The following RNF150 variants were observed in gnomAD, a reference collection of about 807,000 sequenced individuals.
RNF150 encodes the protein ring finger protein 150.
In RNF150, 24 loss-of-function variants were observed where a neutral mutation model predicts 39.3. The ratio of observed to expected loss-of-function variants is 0.61; its 90% CI spans 0.44 to 0.86. RNF150 has a LOEUF of 0.86. Ranked by LOEUF, RNF150 falls within the 40% of genes least tolerant of loss-of-function variation. The pLI is 0.00. For missense variants in RNF150, 502 were observed against 587.8 expected, an observed-to-expected ratio of 0.85 and a Z score of 1.51; for synonymous variants, 255 against 227.3, an observed-to-expected ratio of 1.12 and a Z score of -1.10.
At chr4:141,199,736 T>C (rs904188115) in intron 1 of RNF150, among the ~76,000 whole-genome samples, 3 of 152,172 alleles carry the variant, frequency 2.0e-5, no homozygotes, top group Non-Finnish European at 2.9e-5. Flanking sequence ...CTGTTCTGTA[T>C]TACAATTATA....
chr4:141,088,826 C>T (rs962825832), intron 1 of RNF150, among the ~76,000 whole-genome samples: 4 of 152,220 alleles, frequency 2.6e-5, no homozygotes, highest in African/African-American at 9.6e-5. Flanking sequence ...CAGTAAAACA[C>T]ACTTACATGT....
chr4:140,863,165 A>G lies in RNF150; in HGVS notation c.*5096T>C, dbSNP rs2111163759. ...AGGAAGAATGGGCATTCCATCAGGT[A>G]CAGTATACAAGTTTTTCCAAGAAAT... is the stretch of plus-strand genomic sequence containing the variant. On this transcript the variant is annotated 3_prime_UTR_variant, in exon 7 of 7. Coordinates refer to ENST00000515673, the MANE Select transcript of RNF150 (RefSeq NM_020724.2). 6.6e-6 allele frequency: 1 copy of G among 152,358 alleles called. No homozygotes were observed. The highest frequency in any genetic ancestry group is 1.9e-4 in the East Asian group (1 of 5,186). 9.4% of individuals were successfully genotyped at this position (152,358 alleles called of 1,614,324 possible).
intron 1 of RNF150, among the ~76,000 whole-genome samples, chr4:141,120,710 T>C (rs1298697300): frequency 1.3e-5 from 2 of 151,736 alleles, no homozygotes; most frequent in African/African-American, 2.4e-5. Flanking sequence ...GGCTGGGAAG[T>C]AGTAAGTGAG....
rs188492644 is a variant in RNF150 at position 141,166,841 on chromosome 4, T to C, written c.-6+45953A>G. On this transcript the variant is annotated intron_variant, in intron 1 of 7. Transcript: ENST00000420921. ...GACAAACCCACAGCCAATATAATAC[T>C]GAATGGGCAAAAGCTGGATGCATTC... Among the ~76,000 whole-genome samples, 19 of 152,266 alleles carry C rather than the reference T, an allele frequency of 1.2e-4. No individual in the cohort carries two copies. In the East Asian group the frequency reaches 3.3e-3, roughly 26 times the overall value.
intron 1 of RNF150, among the ~76,000 whole-genome samples, chr4:141,000,069 A>G (rs377430997): frequency 0.016 from 1,384 of 85,844 alleles, 185 homozygotes; most frequent in Middle Eastern, 0.025. Context: ...GAAGAAGAAG[A>G]AGAAGAAGAA....
chr4:140,928,433 G>A (rs1731481950), intron 4 of RNF150, among the ~76,000 whole-genome samples: 1 of 151,592 alleles, frequency 6.6e-6, no homozygotes, highest in Admixed American at 6.6e-5. Flanking sequence ...GAGGGAGGGG[G>A]AGCAAGGAGA....
chr4:140,959,356 C>G lies in RNF150; in HGVS notation c.735+8267G>C, dbSNP rs570995828. Among the ~76,000 whole-genome samples the G allele has an allele frequency of 5.9e-5, 9 of 152,166 alleles. No homozygotes were observed. In the East Asian group the frequency reaches 1.5e-3, roughly 26 times the overall value. On this transcript the variant is annotated intron_variant, in intron 2 of 6. Coordinates refer to ENST00000515673, the MANE Select transcript of RNF150 (RefSeq NM_020724.2). The stretch of plus-strand genomic sequence containing the variant: ...TGGTCAGAGATAAGATTCCACTGGG[C>G]TGGAATATGACATTAGGAAATTGGC...
chr4:141,080,342 G>A (rs903584231), intron 1 of RNF150, among the ~76,000 whole-genome samples: 4 of 152,008 alleles, frequency 2.6e-5, no homozygotes, highest in African/African-American at 7.3e-5. Context: ...TGACAAATAC[G>A]AAACAAAACC....
At chr4:141,196,479 T>C (rs1396990969) in intron 1 of RNF150, among the ~76,000 whole-genome samples, 1 of 152,214 alleles carries the variant, frequency 6.6e-6, no homozygotes, top group African/African-American at 2.4e-5. Flanking sequence ...TATTCAGAGC[T>C]GCCTTGGGTT....
At chr4:140,918,140 G>A (rs1381715114) in intron 5 of RNF150, among the ~76,000 whole-genome samples, 1 of 152,084 alleles carries the variant, frequency 6.6e-6, no homozygotes, top group African/African-American at 2.4e-5. Context: ...AACTAGAAAA[G>A]CAAGAGCAAA....
At chr4:141,198,319 G>T (rs2111212641) in intron 1 of RNF150, among the ~76,000 whole-genome samples, 1 of 152,258 alleles carries the variant, frequency 6.6e-6, no homozygotes, top group East Asian at 1.9e-4. Flanking sequence ...GAGCCACCAT[G>T]CCCAGCCTAG....
rs374509935 is a variant in RNF150, at chr4:140,999,985, A to AGAAGAAGAAGAAG, written c.485-32113_485-32112insCTTCTTCTTCTTC. 1.8e-4 allele frequency among the ~76,000 whole-genome samples: 7 copies of AGAAGAAGAAGAAG among 38,994 alleles called. 1 individual carries two copies. Among genetic ancestry groups the AGAAGAAGAAGAAG allele is most frequent in the Admixed American group, 3.8e-4 (1 of 2,616 alleles). The allele number at this position is 38,994 out of a possible 152,430, so 25.6% of individuals were successfully genotyped here. A position where few individuals can be genotyped will look rare whatever the true frequency, so the allele number is the denominator to read the frequency against. ...GAAGAAGAAGAAGAAGAAAAGAAGA[A>AGAAGAAGAAGAAG]AAGAAGAAAAGAAGAAGAAGAAGAA... On this transcript the variant is annotated intron_variant, in intron 1 of 6. Transcript: ENST00000515673.
intron 1 of RNF150, among the ~76,000 whole-genome samples, chr4:141,062,661 T>C (rs935883923): frequency 1.3e-5 from 2 of 152,224 alleles, no homozygotes; most frequent in Non-Finnish European, 2.9e-5. Context: ...CATTATCTTA[T>C]ATTCTTAATT....
chr4:141,134,621 T>G (rs1261367013), upstream of RNF150, among the ~76,000 whole-genome samples: 1 of 152,216 alleles, frequency 6.6e-6, no homozygotes, highest in African/African-American at 2.4e-5. Flanking sequence ...TGTACCCAAA[T>G]TAGAAGCAGG....
intron 1 of RNF150, among the ~76,000 whole-genome samples, chr4:141,117,625 T>C (rs1726464339): frequency 6.6e-6 from 1 of 152,230 alleles, no homozygotes; most frequent in African/African-American, 2.4e-5. Context: ...ATGATACATT[T>C]CTCAGAATAT....
At chr4:140,916,995 G>C (rs11100683) in intron 5 of RNF150, among the ~76,000 whole-genome samples, 14 of 151,884 alleles carry the variant, frequency 9.2e-5, no homozygotes, top group African/African-American at 2.9e-4. Flanking sequence ...CAAATGCTGA[G>C]AGATTTTGTC....
intron 2 of RNF150, among the ~76,000 whole-genome samples, chr4:140,949,626 T>C (rs930905325): frequency 6.6e-6 from 1 of 151,882 alleles, no homozygotes; most frequent in African/African-American, 2.4e-5. Flanking sequence ...GTGACATACA[T>C]AGATCCTGCC....
At chr4:140,943,000 A>T (rs1177917495) in intron 4 of RNF150, among the ~76,000 whole-genome samples, 3 of 152,206 alleles carry the variant, frequency 2.0e-5, no homozygotes, top group Admixed American at 1.3e-4. Flanking sequence ...GGATGGTGAA[A>T]TGCAAACAAC....
chr4:140,896,802 T>C (rs1404840071), intron 6 of RNF150, among the ~76,000 whole-genome samples: 5 of 151,696 alleles, frequency 3.3e-5, no homozygotes, highest in Non-Finnish European at 7.4e-5. Context: ...TTACGGCTTA[T>C]GCTAAAAATG....
Sources: gnomAD v4.1 joint callset for allele counts (sites outside exome capture counted in the v4.1 genomes callset) on GRCh38, gnomAD v4.1.1 for gene constraint, MANE v1.5 for transcripts, NCBI Gene and HGNC (gene_info 2026-07-23, HGNC 2026-07-21) for gene names.